The following SRGAP1 variants were observed in gnomAD, a reference collection of about 807,000 sequenced individuals.
SRGAP1 encodes SLIT-ROBO Rho GTPase-activating protein 1.
A neutral mutation model predicts 121.9 loss-of-function variants in SRGAP1; 43 were observed. The observed-to-expected ratio is 0.35, with a 90% CI of 0.28 to 0.46. The LOEUF (loss-of-function observed/expected upper bound fraction) is 0.46, where lower values mean the gene tolerates loss of function less well. SRGAP1 is among the 20% of genes least tolerant of loss of function. The pLI is 1.00. For synonymous variants in SRGAP1, 447 were observed against 485.4 expected (o/e 0.92, Z 1.04); for missense variants, 1,102 against 1,350.9 (o/e 0.82, Z 2.89).
chr12:64,053,387 C>A (rs527514368), intron 6 of SRGAP1, among the ~76,000 whole-genome samples: 28 of 152,232 alleles, frequency 1.8e-4, no homozygotes, highest in African/African-American at 6.5e-4. Flanking sequence ...CTCTAGTTTG[C>A]GGATCCTGAT....
chr12:64,126,205 C>G (rs376175618), intron 19 of SRGAP1, 48 bp downstream of exon 19: 148 of 1,574,694 alleles, frequency 9.4e-5, no homozygotes, highest in Non-Finnish European at 1.2e-4. Flanking sequence ...ATAGAGGACT[C>G]CAGCCATTGT....
chr12:64,080,643 C>T (rs140557344), intron 10 of SRGAP1: 161 of 493,794 alleles, frequency 3.3e-4, no homozygotes, highest in African/African-American at 2.7e-3. Context: ...GAGTGTGGTG[C>T]TCCTGATCGT....
At chr12:63,922,261 G>C (rs551912167) in intron 1 of SRGAP1, among the ~76,000 whole-genome samples, 1 of 152,162 alleles carries the variant, frequency 6.6e-6, no homozygotes, top group Non-Finnish European at 1.5e-5. Flanking sequence ...TTACAGGCAT[G>C]AGCTACTGCA....
intron 1 of SRGAP1, among the ~76,000 whole-genome samples, chr12:63,953,399 ATTTT>A (rs34352334): frequency 2.4e-4 from 28 of 114,704 alleles, no homozygotes; most frequent in African/African-American, 7.0e-4. Flanking sequence ...TTCTTGATTG[ATTTT>A]TTTTTTTTTT....
intron 7 of SRGAP1, among the ~76,000 whole-genome samples, chr12:64,063,409 C>CATTTTA (rs1295668504): frequency 3.9e-5 from 6 of 152,198 alleles, no homozygotes; most frequent in South Asian, 4.1e-4. Context: ...CACCTCAAGA[C>CATTTTA]ATTTTAATTT....
At chr12:63,845,631 G>GAATA (rs1555230693) in intron 1 of SRGAP1, among the ~76,000 whole-genome samples, 2 of 151,752 alleles carry the variant, frequency 1.3e-5, no homozygotes, top group East Asian at 3.9e-4. Flanking sequence ...AATTAAGGCT[G>GAATA]ATTATTTTTA....
chr12:63,957,625 C>G (rs2136374884), intron 1 of SRGAP1, among the ~76,000 whole-genome samples: 1 of 152,220 alleles, frequency 6.6e-6, no homozygotes, highest in African/African-American at 2.4e-5. Context: ...TGCCCTTACC[C>G]CACTCCAAAT....
chr12:64,079,277 G>C (rs1289541799), intron 9 of SRGAP1, among the ~76,000 whole-genome samples, 161 bp downstream of exon 9: 1 of 152,070 alleles, frequency 6.6e-6, no homozygotes, highest in Non-Finnish European at 1.5e-5. Flanking sequence ...AAAGAGTTTA[G>C]GAGTTATTTA....
At chr12:64,035,027 C>T (rs2034869066) in intron 4 of SRGAP1, among the ~76,000 whole-genome samples, 1 of 148,938 alleles carries the variant, frequency 6.7e-6, no homozygotes, top group Non-Finnish European at 1.5e-5. Flanking sequence ...ACTCTTTCAG[C>T]CCTGATGCTG....
chr12:64,126,166 T>C lies in SRGAP1; in HGVS notation c.2405+9T>C, dbSNP rs2036684717. 1 of 1,606,630 alleles carries C rather than the reference T, an allele frequency of 6.2e-7. No homozygotes were observed. Among genetic ancestry groups the C allele is most frequent in the Non-Finnish European group, 8.5e-7 (1 of 1,174,304 alleles). ...ATAGTGGTGCAGGATATGTGAGTAG[T>C]CTCAACTTTGATTGCCTGAGTGCTC... On this transcript the variant is annotated intron_variant, in intron 19 of 21. Transcript: ENST00000355086.
chr12:64,114,385 G>A (rs1297834789), intron 17 of SRGAP1, among the ~76,000 whole-genome samples: 1 of 141,302 alleles, frequency 7.1e-6, no homozygotes, highest in African/African-American at 2.7e-5. Flanking sequence ...CTGTTGCCAG[G>A]CTAGAGCGCC....
At chr12:63,933,406 A>G (rs577890193) in intron 1 of SRGAP1, among the ~76,000 whole-genome samples, 51 of 152,194 alleles carry the variant, frequency 3.4e-4, no homozygotes, top group African/African-American at 1.2e-3. Context: ...AAGTATAAGG[A>G]TGGAGAAAAG....
At chr12:63,988,619 G>A (rs972014177) in intron 2 of SRGAP1, among the ~76,000 whole-genome samples, 1 of 152,152 alleles carries the variant, frequency 6.6e-6, no homozygotes, top group African/African-American at 2.4e-5. Flanking sequence ...GAATCTGAGA[G>A]ACGTAATGGC....
chr12:64,075,957 C>T (rs1255944802), intron 8 of SRGAP1, among the ~76,000 whole-genome samples: 1 of 151,904 alleles, frequency 6.6e-6, no homozygotes, highest in African/African-American at 2.4e-5. Flanking sequence ...TTTCCACTTC[C>T]TGTAATGATG....
Position 63,860,511 on chromosome 12 carries a change from G to T in SRGAP1, c.67+15628G>T, listed in dbSNP as rs577085079. Among the ~76,000 whole-genome samples, 103 of 152,162 alleles carry T rather than the reference G, an allele frequency of 6.8e-4. 1 individual carries two copies. The highest frequency in any genetic ancestry group is 2.5e-3 in the African/African-American group (102 of 41,536). On this transcript the variant is annotated intron_variant, in intron 1 of 21. Transcript: ENST00000355086. Reference sequence around the variant, plus strand: ...GTAGAACTCATCTGCAAAGTCATCTGGGTCTCACATTTTCATCAAGGAGAA... The same window carrying T: ...GTAGAACTCATCTGCAAAGTCATCTTGGTCTCACATTTTCATCAAGGAGAA...
intron 1 of SRGAP1, among the ~76,000 whole-genome samples, chr12:63,862,100 G>A (rs1027996298): frequency 2.6e-5 from 4 of 152,156 alleles, no homozygotes; most frequent in Non-Finnish European, 5.9e-5. Context: ...TAGTCTGGGC[G>A]ATGAGTGAAA....
intron 1 of SRGAP1, among the ~76,000 whole-genome samples, chr12:63,909,920 G>T (rs2030412253): frequency 6.6e-6 from 1 of 152,124 alleles, no homozygotes; most frequent in African/African-American, 2.4e-5. Flanking sequence ...ATTGAATGAG[G>T]CCCACCCACA....
chr12:64,087,728 C>T (rs886643223), intron 11 of SRGAP1, among the ~76,000 whole-genome samples: 4 of 152,000 alleles, frequency 2.6e-5, no homozygotes, highest in Admixed American at 2.6e-4. Flanking sequence ...AGCGAGACTC[C>T]ATCTCAAAAA....
At chr12:64,031,317 C>CAA (rs578019090) in intron 4 of SRGAP1, among the ~76,000 whole-genome samples, 19,414 of 95,442 alleles carry the variant, frequency 0.2, 2,055 homozygotes, top group Non-Finnish European at 0.26. Context: ...GACTCTGTCT[C>CAA]AAAAAAAAAA....
Sources: gnomAD v4.1 joint callset for allele counts (sites outside exome capture counted in the v4.1 genomes callset) on GRCh38, gnomAD v4.1.1 for gene constraint, MANE v1.5 for transcripts, NCBI Gene and HGNC (gene_info 2026-07-23, HGNC 2026-07-21) for gene names.